BBS12: variants seen among roughly 807,000 people sequenced by gnomAD.
BBS12 encodes the protein chaperonin-containing T-complex member BBS12.
BBS12 carries 5 observed loss-of-function variants against 5.6 expected under a neutral mutation model. The ratio of observed to expected loss-of-function variants is 0.89; its 90% CI spans 0.46 to 1.86. BBS12 has a LOEUF of 1.86. BBS12 is among the 40% of genes most tolerant of loss of function. The pLI is 0.01. For synonymous variants in BBS12, 308 were observed against 306.8 expected, an observed-to-expected ratio of 1.00 and a Z score of -0.04; for missense variants, 748 against 830.4, an observed-to-expected ratio of 0.90 and a Z score of 1.22.
upstream of BBS12, chr4:122,732,393 G>A (rs530027112): frequency 2.0e-5 from 3 of 152,394 alleles, no homozygotes; most frequent in African/African-American, 7.2e-5. Context: ...CCCGGCCCCA[G>A]CAGAAGGTTA....
chr4:122,723,193 T>C, the BBS12 span, among the ~76,000 whole-genome samples: 15 of 152,186 alleles, frequency 9.9e-5, no homozygotes, highest in African/African-American at 1.4e-4. Flanking sequence ...ACTATCCTGG[T>C]AGGTTCTATC....
chr4:122,719,823 G>A, the BBS12 span, among the ~76,000 whole-genome samples: 1 of 152,190 alleles, frequency 6.6e-6, no homozygotes, highest in Non-Finnish European at 1.5e-5. Context: ...GGGTATGTCA[G>A]TAAAGATATC....
chr4:122,726,520 C>A, the BBS12 span, among the ~76,000 whole-genome samples: 8 of 152,264 alleles, frequency 5.3e-5, no homozygotes, highest in Non-Finnish European at 1.0e-4. Context: ...TGTGGAGATT[C>A]CTCAAAGAAC....
At chr4:122,713,318 A>AT in the BBS12 span, among the ~76,000 whole-genome samples, 76 of 150,482 alleles carry the variant, frequency 5.1e-4, no homozygotes, top group South Asian at 0.011. Context: ...TGTATTTTTA[A>AT]TTTTTTTTTT....
chr4:122,742,546 C>T lies in BBS12; in HGVS notation c.654C>T (p.Asn218=), dbSNP rs1800896972. The T allele has an allele frequency of 1.9e-6, 3 of 1,614,206 alleles. No homozygotes were observed. In the African/African-American group the frequency reaches 4.0e-5, roughly 22 times the overall value. The stretch of plus-strand genomic sequence containing the variant: ...ACAACACATCACGAACTCTGAAAAA[C>T]AGCCTGCTTGCAGATACCTGCTGCA... The part of the protein sequence containing the change: ...ADNNTSRTLK[N]SLLADTCCRQ... Residue 218 remains asparagine, a synonymous_variant, in exon 2 of 2, where the codon AAC becomes AAT. Transcript: ENST00000314218.
the BBS12 span, among the ~76,000 whole-genome samples, chr4:122,722,665 T>C: frequency 4.6e-5 from 7 of 152,202 alleles, no homozygotes; most frequent in Admixed American, 4.6e-4. Context: ...TGTTATGGTC[T>C]CTTTATTATT....
Position 122,744,036 on chromosome 4 carries a change from T to A in BBS12, c.*11T>A. ...TTTCTATTTTTGTAGTGTTACTGGC[T>A]AAGTCTTTGGAAAATAATTTTTCAT... On this transcript the variant is annotated 3_prime_UTR_variant, in exon 2 of 2. Coordinates refer to ENST00000314218, the MANE Select transcript of BBS12 (RefSeq NM_152618.3). 1 of 1,606,680 alleles carries A rather than the reference T, an allele frequency of 6.2e-7. No homozygotes were observed. The highest frequency in any genetic ancestry group is 2.2e-5 in the East Asian group (1 of 44,824).
At chr4:122,727,544 A>ATTTTTTTTTTTTTTTTTTTTTTTTTTTTT in the BBS12 span, among the ~76,000 whole-genome samples, 3 of 82,294 alleles carry the variant, frequency 3.6e-5, no homozygotes, top group East Asian at 4.7e-4. Context: ...CCCCTGGCCA[A>ATTTTTTTTTTTTTTTTTTTTTTTTTTTTT]TTTTTTTTTT....
At chr4:122,706,526 G>A in the BBS12 span, among the ~76,000 whole-genome samples, 10 of 152,040 alleles carry the variant, frequency 6.6e-5, no homozygotes, top group Non-Finnish European at 1.2e-4. Flanking sequence ...CCTTGAGCCC[G>A]GGATTGCAAG....
chr4:122,718,942 C>G, the BBS12 span, among the ~76,000 whole-genome samples: 1 of 152,154 alleles, frequency 6.6e-6, no homozygotes, highest in Non-Finnish European at 1.5e-5. Flanking sequence ...GCCTCAGCCT[C>G]CCGAGTAGCT....
At chr4:122,716,976 A>G in the BBS12 span, among the ~76,000 whole-genome samples, 1 of 152,216 alleles carries the variant, frequency 6.6e-6, no homozygotes, top group Non-Finnish European at 1.5e-5. Flanking sequence ...CAAAATAAGC[A>G]TAAATCAAAC....
At chr4:122,727,043 A>G in the BBS12 span, among the ~76,000 whole-genome samples, 1 of 152,148 alleles carries the variant, frequency 6.6e-6, no homozygotes, top group East Asian at 1.9e-4. Context: ...CTCACTAAAG[A>G]ACTTACTCAT....
the BBS12 span, among the ~76,000 whole-genome samples, chr4:122,716,657 GCA>G: frequency 7.6e-5 from 5 of 66,078 alleles, no homozygotes; most frequent in East Asian, 8.8e-4. Context: ...GTGTGTATAT[GCA>G]CATACACATA....
At chr4:122,716,281 G>A in the BBS12 span, among the ~76,000 whole-genome samples, 4 of 151,750 alleles carry the variant, frequency 2.6e-5, no homozygotes, top group African/African-American at 9.7e-5. Context: ...TTTAAATTAT[G>A]AAATTTACAT....
At position 122,743,062 on chromosome 4, in the gene BBS12, C is replaced by G; in HGVS notation, c.1170C>G (p.Asp390Glu). 6.2e-7 allele frequency: 1 copy of G among 1,614,248 alleles called. No individual in the cohort carries two copies. Residue 390 changes from aspartate (D) to glutamate (E), a missense_variant, in exon 2 of 2, where the codon GAC (aspartate) becomes GAG (glutamate). By Grantham distance (45) the Asp-to-Glu change is conservative. Transcript: ENST00000314218. ...TAGATAGCATGCGGCTTCAAGAAGA[C>G]AGCTCAGAAGAACTGTGGGCAAATC... Reference protein sequence around the residue: ...TVLDSMRLQEDSSEELWANHV... With the variant: ...TVLDSMRLQEESSEELWANHV...
At chr4:122,741,023 C>T (rs1800862399) in intron 1 of BBS12, among the ~76,000 whole-genome samples, 1 of 152,218 alleles carries the variant, frequency 6.6e-6, no homozygotes, top group Non-Finnish European at 1.5e-5. Flanking sequence ...TCAAACACTA[C>T]ATCAAGTTGT....
the BBS12 span, among the ~76,000 whole-genome samples, chr4:122,725,539 G>A: frequency 6.6e-6 from 1 of 152,122 alleles, no homozygotes; most frequent in African/African-American, 2.4e-5. Flanking sequence ...AACAAATGGT[G>A]CTGGGATAAT....
chr4:122,702,580 A>G, the BBS12 span, among the ~76,000 whole-genome samples: 1 of 152,228 alleles, frequency 6.6e-6, no homozygotes, highest in African/African-American at 2.4e-5. Context: ...AGGCACATGC[A>G]TTGCAGGCTA....
chr4:122,724,776 C>T, the BBS12 span, among the ~76,000 whole-genome samples: 2 of 152,166 alleles, frequency 1.3e-5, no homozygotes, highest in Admixed American at 1.3e-4. Context: ...TAGTAATATT[C>T]CCAGGGCCAT....
Sources: allele counts gnomAD v4.1 joint callset (sites outside exome capture counted in the v4.1 genomes callset), GRCh38; gene constraint gnomAD v4.1.1; transcripts MANE v1.5; gene names NCBI Gene and HGNC (gene_info 2026-07-23, HGNC 2026-07-21).